The following TSTD2 variants were observed in gnomAD, a reference collection of about 807,000 sequenced individuals.
TSTD2 encodes the protein thiosulfate sulfurtransferase like domain containing 2.
A neutral mutation model predicts 47.9 loss-of-function variants in TSTD2; 37 were observed. The observed-to-expected ratio is 0.77, with a 90% CI of 0.59 to 1.02. The LOEUF (loss-of-function observed/expected upper bound fraction) is 1.02. TSTD2 is among the 50% of genes least tolerant of loss of function. The pLI, the probability that TSTD2 is intolerant of heterozygous loss-of-function variation, is 0.00. For missense variants in TSTD2, 586 were observed against 616.0 expected, an observed-to-expected ratio of 0.95 and a Z score of 0.52; for synonymous variants, 201 against 215.9, an observed-to-expected ratio of 0.93 and a Z score of 0.61.
chr9:97,611,067 TGAC>T (rs1826449513), intron 5 of TSTD2: 1 of 153,404 alleles, frequency 6.5e-6, no homozygotes, highest in Admixed American at 6.4e-5. Flanking sequence ...AATCATATGG[TGAC>T]TCAGTGAAAG....
At chr9:97,617,062 C>T (rs1208735773) in intron 4 of TSTD2, among the ~76,000 whole-genome samples, 5 of 152,178 alleles carry the variant, frequency 3.3e-5, no homozygotes, top group Admixed American at 6.5e-5. Context: ...CCTCATGAAG[C>T]TTATAAATGA....
intron 3 of TSTD2, among the ~76,000 whole-genome samples, chr9:97,621,421 T>C (rs886578335): frequency 1.3e-4 from 20 of 152,176 alleles, no homozygotes; most frequent in African/African-American, 3.4e-4. Flanking sequence ...GTAACAGCCA[T>C]GTTCAGGGCA....
At chr9:97,628,342 GAAA>G (rs1826755921) in intron 1 of TSTD2, among the ~76,000 whole-genome samples, 1 of 152,126 alleles carries the variant, frequency 6.6e-6, no homozygotes, top group Non-Finnish European at 1.5e-5. Flanking sequence ...GGCACACTGA[GAAA>G]AAGTATGGGC....
Position 97,606,274 on chromosome 9 carries a change from C to A in TSTD2, c.836-13G>T, listed in dbSNP as rs1564006092. The A allele has an allele frequency of 2.0e-6, 3 of 1,501,474 alleles. No homozygotes were observed. Among genetic ancestry groups the A allele is most frequent in the East Asian group, 2.3e-5 (1 of 44,084 alleles). The allele number at this position is 1,501,474 out of a possible 1,614,324, so 93.0% of individuals were successfully genotyped here. A position where few individuals can be genotyped will look rare whatever the true frequency, so the allele number is the denominator to read the frequency against. ...GATAAATGGATTCCTAAAACCAAAC[C>A]AAAAAAATTATATTAAAACAAAGAC... On this transcript the variant is annotated splice_polypyrimidine_tract_variant and intron_variant, in intron 6 of 9. Transcript: ENST00000341170.
In TSTD2 at chr9:97,604,745, T is replaced by G; in HGVS notation, c.1234A>C (p.Asn412His). The change falls in exon 9 of 10, where the codon AAC becomes CAC. Residue 412 changes from asparagine (N) to histidine (H), a missense_variant. By Grantham distance (68) the Asn-to-His change is moderately conservative. Coordinates refer to ENST00000341170, the MANE Select transcript of TSTD2 (RefSeq NM_139246.5). ...GACCTACCTGACACCACATCACTGT[T>G]GTAGGACAGAGCATAGCGTTCATCA... Reference protein sequence around the residue: ...VFDERYALSYNSDVVSECSYC... With the variant: ...VFDERYALSYHSDVVSECSYC... 3.1e-6 allele frequency: 5 copies of G among 1,614,232 alleles called. No individual in the cohort carries two copies. The highest frequency in any genetic ancestry group is 4.2e-6 in the Non-Finnish European group (5 of 1,180,036).
chr9:97,606,142 C>T lies in TSTD2; in HGVS notation c.954+1G>A, dbSNP rs750943517. ...AGAACTCAGTTCTGGCTTTTACTTA[C>T]TATTTTGCTTTCATAGAAGTTTCTG... On this transcript the variant is annotated splice_donor_variant, in intron 7 of 9. Transcript: ENST00000341170. LOFTEE classifies it high-confidence loss of function. 2 of 1,584,992 alleles carry T rather than the reference C, an allele frequency of 1.3e-6. No homozygotes were observed. The highest frequency in any genetic ancestry group is 1.1e-5 in the South Asian group (1 of 90,072).
In TSTD2 at chr9:97,601,254, A is replaced by C. The variant is rs1826252019; in HGVS notation, c.*1215T>G. ...TAATATTAAATCTGTTGGTCTATGC[A>C]TGGCTGCGTATGTGTTTCTTGGAAC... On this transcript the variant is annotated 3_prime_UTR_variant, in exon 10 of 10. Coordinates refer to ENST00000341170, the MANE Select transcript of TSTD2 (RefSeq NM_139246.5). The C allele has an allele frequency of 8.2e-7, 1 of 1,217,246 alleles. No homozygotes were observed. The highest frequency in any genetic ancestry group is 1.1e-6 in the Non-Finnish European group (1 of 943,086). 75.4% of individuals were successfully genotyped at this position (1,217,246 alleles called of 1,614,324 possible).
chr9:97,627,574 G>C lies in TSTD2; in HGVS notation c.-12C>G. 6.3e-7 allele frequency: 1 copy of C among 1,587,674 alleles called. No homozygotes were observed. The highest frequency in any genetic ancestry group is 1.1e-5 in the South Asian group (1 of 88,140). ...GTGGAAGAAGGCATCTGGTTTGGTT[G>C]CAACAGTGAAGCAGATATTCCTTTC... is the stretch of plus-strand genomic sequence containing the variant. On this transcript the variant is annotated 5_prime_UTR_variant, in exon 2 of 10. Transcript: ENST00000341170.
chr9:97,613,598 G>T (rs936080335), intron 4 of TSTD2, among the ~76,000 whole-genome samples: 2 of 152,030 alleles, frequency 1.3e-5, no homozygotes, highest in African/African-American at 4.8e-5. Flanking sequence ...TTTAAAGATG[G>T]ATCATCTTTA....
chr9:97,630,503 AAACAAAT>A (rs1826791919), intron 1 of TSTD2, among the ~76,000 whole-genome samples: 1 of 151,860 alleles, frequency 6.6e-6, no homozygotes, highest in African/African-American at 2.4e-5. Flanking sequence ...ACAAACAAAC[AAACAAAT>A]CATGAAAATA....
In TSTD2 at chr9:97,627,507, C is replaced by G. The variant is rs773693046; in HGVS notation, c.56G>C (p.Arg19Thr). The G allele has an allele frequency of 6.2e-7, 1 of 1,613,326 alleles. No homozygotes were observed. ...QGDDLENCIL[R>T]FSDLDLKDMS... ...ATCTTTTAAATCCAGGTCAGAAAAT[C>G]TTAAAATGCAGTTCTCCAGGTCATC... The change falls in exon 2 of 10, where the codon AGA (arginine) becomes ACA (threonine). Residue 19 changes from arginine to threonine, a missense_variant. Transcript: ENST00000341170.
rs1240064226 is a variant in TSTD2, at chr9:97,625,793, T to C, written c.370A>G (p.Ser124Gly). The C allele has an allele frequency of 6.2e-7, 1 of 1,614,174 alleles. No homozygotes were observed. Among genetic ancestry groups the C allele is most frequent in the Non-Finnish European group, 8.5e-7 (1 of 1,180,006 alleles). ...TTCTTTTCATCTGCAGACGAAAGAC[T>C]CTTTGAGGTGCTCAATGTCACAGCC... ...QLAVTLSTSKSLSSADEKNPL... is the reference protein window; with the variant it reads ...QLAVTLSTSKGLSSADEKNPL... The change falls in exon 3 of 10, where the codon AGT (serine) becomes GGT (glycine). Residue 124 changes from serine to glycine, a missense_variant. Physicochemically the swap from Ser to Gly is moderately conservative, Grantham distance 56 (BLOSUM62 0). Coordinates refer to ENST00000341170, the MANE Select transcript of TSTD2 (RefSeq NM_139246.5).
chr9:97,606,234 T>A lies in TSTD2; in HGVS notation c.863A>T (p.His288Leu), dbSNP rs1440930681. The change falls in exon 7 of 10, where the codon CAT (histidine) becomes CTT (leucine). Residue 288 changes from histidine (H) to leucine (L), a missense_variant. By Grantham distance (99) the His-to-Leu change is moderately conservative. Coordinates refer to ENST00000341170, the MANE Select transcript of TSTD2 (RefSeq NM_139246.5). ...AGATAAAAACTTTTCTACTTCTTTA[T>A]GAAATTCACCTGGGGATAAATGGAT... Reference protein sequence around the residue: ...PGIHLSPGEFHKEVEKFLSQA... With the variant: ...PGIHLSPGEFLKEVEKFLSQA... The A allele has an allele frequency of 4.3e-6, 7 of 1,609,610 alleles. No homozygotes were observed. The highest frequency in any genetic ancestry group is 5.9e-6 in the Non-Finnish European group (7 of 1,177,946).
intron 1 of TSTD2, among the ~76,000 whole-genome samples, chr9:97,632,536 C>G (rs1281523799): frequency 7.2e-6 from 1 of 138,850 alleles, no homozygotes; most frequent in Non-Finnish European, 1.5e-5. Context: ...GCGCCAAACA[C>G]TAGGCTCAGC....
chr9:97,614,511 T>C (rs967513597), intron 4 of TSTD2, among the ~76,000 whole-genome samples: 37 of 152,312 alleles, frequency 2.4e-4, no homozygotes, highest in African/African-American at 8.9e-4. Flanking sequence ...TAAATGAAGA[T>C]TATACTTTCA....
Position 97,601,017 on chromosome 9 carries a change from T to A in TSTD2, c.*1452A>T. ...GAGCACTGAGCAGAGAGGCTGGTGA[T>A]GAAAAGGTGAAGGCCTGCGCACTGA... On this transcript the variant is annotated 3_prime_UTR_variant, in exon 10 of 10. Coordinates refer to ENST00000341170, the MANE Select transcript of TSTD2 (RefSeq NM_139246.5). The A allele has an allele frequency of 7.7e-7, 1 of 1,291,384 alleles. No homozygotes were observed. Among genetic ancestry groups the A allele is most frequent in the East Asian group, 5.7e-5 (1 of 17,570 alleles). 80.0% of individuals were successfully genotyped at this position (1,291,384 alleles called of 1,614,324 possible).
chr9:97,601,058 G>A lies in TSTD2; in HGVS notation c.*1411C>T. 1.5e-6 allele frequency: 2 copies of A among 1,304,150 alleles called. No individual in the cohort carries two copies. Among genetic ancestry groups the A allele is most frequent in the Non-Finnish European group, 2.0e-6 (2 of 988,890 alleles). The allele number at this position is 1,304,150 out of a possible 1,614,324, so 80.8% of individuals were successfully genotyped here. ...TGCGCACTGAACTGTAAGGCAGTGG[G>A]CAGTACAGGGTAACTGGAGGCGGGG... On this transcript the variant is annotated 3_prime_UTR_variant, in exon 10 of 10. Transcript: ENST00000341170.
At chr9:97,626,581 ACAAT>A (rs1202123143) in intron 2 of TSTD2, among the ~76,000 whole-genome samples, 24 of 152,240 alleles carry the variant, frequency 1.6e-4, no homozygotes, top group Non-Finnish European at 2.9e-5. Flanking sequence ...TTATTGTAAA[ACAAT>A]CAAACAGAAA....
chr9:97,613,395 A>G (rs541312556), intron 4 of TSTD2, among the ~76,000 whole-genome samples: 1 of 152,252 alleles, frequency 6.6e-6, no homozygotes, highest in Admixed American at 6.5e-5. Flanking sequence ...TAGGCACTCA[A>G]TACGATTTGT....
Sources: gnomAD v4.1 joint callset for allele counts (sites outside exome capture counted in the v4.1 genomes callset) on GRCh38, gnomAD v4.1.1 for gene constraint, MANE v1.5 for transcripts, NCBI Gene and HGNC (gene_info 2026-07-23, HGNC 2026-07-21) for gene names.